The following PDE1A variants were observed in gnomAD, a reference collection of about 807,000 sequenced individuals.
PDE1A encodes dual specificity calcium/calmodulin-dependent 3',5'-cyclic nucleotide phosphodiesterase 1A.
Under a neutral mutation model 61.7 loss-of-function variants are expected in PDE1A, and 35 were observed. The observed-to-expected ratio is 0.57, with a 90% CI of 0.43 to 0.75. The LOEUF (loss-of-function observed/expected upper bound fraction) is 0.75, where lower values mean the gene tolerates loss of function less well. Ranked by LOEUF, PDE1A falls within the 30% of genes least tolerant of loss-of-function variation. PDE1A has a pLI of 0.00. For missense variants in PDE1A, 597 were observed against 630.6 expected (o/e 0.95, Z 0.57); for synonymous variants, 232 against 213.2 (o/e 1.09, Z -0.77).
chr2:182,195,711 T>TTTAC, intron 10 of PDE1A, among the ~76,000 whole-genome samples: 1 of 152,080 alleles, frequency 6.6e-6, no homozygotes, highest in Non-Finnish European at 1.5e-5. Context: ...AATTGCTTTG[T>TTTAC]AAAAGTGCTG....
chr2:182,522,551 C>G (rs1167312538), intron 1 of PDE1A: 1 of 1,423,088 alleles, frequency 7.0e-7, no homozygotes, highest in Non-Finnish European at 9.2e-7. Flanking sequence ...CTTTGACAGG[C>G]ATATATCCAC....
chr2:182,214,329 A>G (rs1196382308), intron 7 of PDE1A, among the ~76,000 whole-genome samples: 4 of 152,192 alleles, frequency 2.6e-5, no homozygotes, highest in African/African-American at 9.7e-5. Context: ...TGTAAAGACC[A>G]TCGAGACTAG....
intron 2 of PDE1A, among the ~76,000 whole-genome samples, chr2:182,476,488 C>CAAAT (rs1309765465): frequency 6.6e-6 from 1 of 151,802 alleles, no homozygotes; most frequent in Non-Finnish European, 1.5e-5. Flanking sequence ...GACTCTGTCT[C>CAAAT]AAATAAATAA....
At chr2:182,644,281 G>C in the PDE1A span, among the ~76,000 whole-genome samples, 8 of 149,868 alleles carry the variant, frequency 5.3e-5, no homozygotes, top group Admixed American at 2.7e-4. Flanking sequence ...GTGTGTGTGT[G>C]TGTGTGTGTG....
At chr2:182,385,723 TC>T (rs1701013020) in intron 1 of PDE1A, among the ~76,000 whole-genome samples, 1 of 135,446 alleles carries the variant, frequency 7.4e-6, no homozygotes, top group Admixed American at 7.2e-5. Context: ...CTCCCTCCTC[TC>T]CCTCTCCCTC....
the PDE1A span, among the ~76,000 whole-genome samples, chr2:182,564,693 T>C: frequency 6.6e-6 from 1 of 152,216 alleles, no homozygotes; most frequent in Non-Finnish European, 1.5e-5. Flanking sequence ...GGTACACCAA[T>C]CAGACGTAGA....
the PDE1A span, among the ~76,000 whole-genome samples, chr2:182,570,501 G>A: frequency 6.6e-6 from 1 of 152,228 alleles, no homozygotes; most frequent in Non-Finnish European, 1.5e-5. Flanking sequence ...TCTTTACAAT[G>A]TGAGACAAAG....
At chr2:182,169,301 A>G (rs369486503) in intron 13 of PDE1A, among the ~76,000 whole-genome samples, 25 of 152,212 alleles carry the variant, frequency 1.6e-4, no homozygotes, top group African/African-American at 6.0e-4. Flanking sequence ...TGAAAAAAAC[A>G]TACTGAAACA....
chr2:182,393,450 GC>G (rs1359237118), intron 1 of PDE1A, among the ~76,000 whole-genome samples: 2 of 151,920 alleles, frequency 1.3e-5, no homozygotes, highest in Non-Finnish European at 2.9e-5. Flanking sequence ...TCTCTGACAT[GC>G]CTGGAAACAT....
chr2:182,656,258 A>G, the PDE1A span, among the ~76,000 whole-genome samples: 1 of 152,218 alleles, frequency 6.6e-6, no homozygotes, highest in East Asian at 1.9e-4. Context: ...GAGACACATG[A>G]AGTACAGATT....
chr2:182,419,149 T>C (rs568755594), intron 1 of PDE1A, among the ~76,000 whole-genome samples: 109 of 152,262 alleles, frequency 7.2e-4, no homozygotes, highest in African/African-American at 2.6e-3. Flanking sequence ...AAGTTCAAAT[T>C]TGAAATGCCT....
chr2:182,677,490 C>T, the PDE1A span, among the ~76,000 whole-genome samples: 5 of 152,200 alleles, frequency 3.3e-5, no homozygotes, highest in South Asian at 2.1e-4. Flanking sequence ...CCAAATGATT[C>T]GATGTTATTC....
chr2:182,164,299 G>T (rs139532722), downstream of PDE1A, among the ~76,000 whole-genome samples: 671 of 152,184 alleles, frequency 4.4e-3, 4 homozygotes, highest in African/African-American at 0.015. Context: ...CCTTCATGGG[G>T]AGTTCCCTAC....
intron 1 of PDE1A, among the ~76,000 whole-genome samples, chr2:182,379,164 A>T (rs1203590368): frequency 6.6e-6 from 1 of 152,252 alleles, no homozygotes; most frequent in African/African-American, 2.4e-5. Flanking sequence ...AGTGTAAAAA[A>T]AAATTCCATC....
At chr2:182,671,122 C>A in the PDE1A span, among the ~76,000 whole-genome samples, 1 of 151,810 alleles carries the variant, frequency 6.6e-6, no homozygotes, top group Admixed American at 6.6e-5. Context: ...CCCAGCCATA[C>A]TATTTCTCAT....
the PDE1A span, among the ~76,000 whole-genome samples, chr2:182,570,263 A>G: frequency 1.3e-5 from 2 of 152,232 alleles, no homozygotes; most frequent in African/African-American, 2.4e-5. Flanking sequence ...GAAAAATAAA[A>G]TAGAAAAATG....
the PDE1A span, among the ~76,000 whole-genome samples, chr2:182,588,896 A>G: frequency 6.6e-6 from 1 of 151,924 alleles, no homozygotes; most frequent in Non-Finnish European, 1.5e-5. Flanking sequence ...TACAAAAATT[A>G]GCCAGGCATG....
chr2:182,638,347 T>C, the PDE1A span, among the ~76,000 whole-genome samples: 2 of 152,274 alleles, frequency 1.3e-5, no homozygotes, highest in South Asian at 2.1e-4. Context: ...GAGACCAGCC[T>C]GGCCAACATG....
upstream of PDE1A, among the ~76,000 whole-genome samples, chr2:182,525,056 A>AT (rs1215971173): frequency 5.9e-5 from 9 of 151,974 alleles, 1 homozygote; most frequent in South Asian, 1.2e-3. Flanking sequence ...GAATTATGTG[A>AT]TTTTTTACAA....
Sources: gnomAD v4.1 joint callset for allele counts (sites outside exome capture counted in the v4.1 genomes callset) on GRCh38, gnomAD v4.1.1 for gene constraint, MANE v1.5 for transcripts, NCBI Gene and HGNC (gene_info 2026-07-23, HGNC 2026-07-21) for gene names.